TMEM178B: variants seen among roughly 807,000 people sequenced by gnomAD.
TMEM178B encodes the protein transmembrane protein 178B.
A neutral mutation model predicts 31.0 loss-of-function variants in TMEM178B; 5 were observed. That is an observed-to-expected ratio of 0.16 (90% confidence interval 0.08 to 0.34). TMEM178B has a LOEUF of 0.34. TMEM178B is among the 10% of genes least tolerant of loss of function. TMEM178B has a pLI of 1.00. For synonymous variants in TMEM178B, 164 were observed against 164.0 expected (o/e 1.00, Z 0.00); for missense variants, 275 against 400.3 (o/e 0.69, Z 2.67).
At position 141,422,057 on chromosome 7, in the gene TMEM178B, G is replaced by A. The variant is rs1246962388; in HGVS notation, c.497-15551G>A. Among the ~76,000 whole-genome samples, 1 of 152,006 alleles carries A rather than the reference G, an allele frequency of 6.6e-6. No individual in the cohort carries two copies. The highest frequency in any genetic ancestry group is 1.5e-5 in the Non-Finnish European group (1 of 68,008). On this transcript the variant is annotated intron_variant, in intron 2 of 3. Coordinates refer to ENST00000565468, the MANE Select transcript of TMEM178B (RefSeq NM_001195278.2). The surrounding 1 kb of genome is among the most constrained non-coding windows in gnomAD (Gnocchi z 4.2). ...TACATCTTCTCCCTTTCCCAGCTCG[G>A]GCTTGACATTTTCTTAGAAACCTGC...
At chr7:141,193,458 G>T (rs1010187841) in intron 1 of TMEM178B, among the ~76,000 whole-genome samples, 2 of 152,192 alleles carry the variant, frequency 1.3e-5, no homozygotes, top group South Asian at 4.1e-4. Flanking sequence ...GACTCCATCA[G>T]CACGAGTTGC....
At chr7:141,327,302 A>T (rs1188797783) in intron 2 of TMEM178B, among the ~76,000 whole-genome samples, 3 of 152,158 alleles carry the variant, frequency 2.0e-5, no homozygotes, top group Admixed American at 6.6e-5. Flanking sequence ...ATCTGTTTTT[A>T]AAAAAATTAA....
intron 2 of TMEM178B, among the ~76,000 whole-genome samples, chr7:141,259,896 C>G (rs992393341): frequency 4.6e-5 from 7 of 152,040 alleles, no homozygotes; most frequent in African/African-American, 1.7e-4. Flanking sequence ...CCGTTATGCC[C>G]TTTGTGTCTC....
chr7:141,421,046 G>C (rs146701822), intron 2 of TMEM178B, among the ~76,000 whole-genome samples: 1 of 152,072 alleles, frequency 6.6e-6, no homozygotes, highest in Admixed American at 6.6e-5. Flanking sequence ...GCTATCTCCC[G>C]TTCCCAGGAC....
chr7:141,205,232 A>G (rs1246139057), intron 1 of TMEM178B, among the ~76,000 whole-genome samples: 2 of 152,204 alleles, frequency 1.3e-5, no homozygotes, highest in Non-Finnish European at 2.9e-5. Context: ...TTTTTGGGGC[A>G]GTCACAATGT....
At chr7:141,500,218 GAT>G in the TMEM178B span, among the ~76,000 whole-genome samples, 1 of 152,114 alleles carries the variant, frequency 6.6e-6, no homozygotes, top group Admixed American at 6.5e-5. Flanking sequence ...GAAATTCAGG[GAT>G]ACACAAGATA....
chr7:141,328,760 A>G (rs2116486731), intron 2 of TMEM178B, among the ~76,000 whole-genome samples: 1 of 152,336 alleles, frequency 6.6e-6, no homozygotes, highest in African/African-American at 2.4e-5. Context: ...GACCTAGGCC[A>G]AAGGTGCCTT....
Position 141,227,104 on chromosome 7 carries a change from C to T in TMEM178B, c.496+14400C>T, listed in dbSNP as rs1348147083. ...CTGGAGCTGGGCAGTGAGAGAGACA[C>T]CTTAGGGAACCTGAAGTCTCCCAGG... On this transcript the variant is annotated intron_variant, in intron 2 of 3. Coordinates refer to ENST00000565468, the MANE Select transcript of TMEM178B (RefSeq NM_001195278.2). Among the ~76,000 whole-genome samples, 3 of 152,238 alleles carry T rather than the reference C, an allele frequency of 2.0e-5. 1 individual carries two copies. In the East Asian group the frequency reaches 5.8e-4, roughly 29 times the overall value.
At chr7:141,496,668 T>A in the TMEM178B span, among the ~76,000 whole-genome samples, 3 of 30,958 alleles carry the variant, frequency 9.7e-5, no homozygotes, top group Admixed American at 9.1e-4. Flanking sequence ...AGACTCCGTC[T>A]CAAAAAAAAA....
chr7:141,397,127 G>C (rs1800671737), intron 2 of TMEM178B, among the ~76,000 whole-genome samples: 1 of 152,180 alleles, frequency 6.6e-6, no homozygotes, highest in Non-Finnish European at 1.5e-5. Flanking sequence ...CACAGAAGAT[G>C]AACTTCAGTT....
intron 2 of TMEM178B, among the ~76,000 whole-genome samples, chr7:141,273,116 G>A (rs937691827): frequency 1.3e-5 from 2 of 152,134 alleles, no homozygotes; most frequent in Middle Eastern, 3.2e-3. Context: ...GGTAAAATAA[G>A]CCAGACAAAG....
chr7:141,128,947 C>T (rs1484572723), intron 1 of TMEM178B, among the ~76,000 whole-genome samples: 2 of 151,952 alleles, frequency 1.3e-5, no homozygotes, highest in East Asian at 3.9e-4. Context: ...CATATTGCTC[C>T]TCAGAAGAAA....
At chr7:141,419,526 T>TTCTTCC (rs1801161889) in intron 2 of TMEM178B, among the ~76,000 whole-genome samples, 1 of 152,214 alleles carries the variant, frequency 6.6e-6, no homozygotes, top group South Asian at 2.1e-4. Context: ...CTCTAAGACT[T>TTCTTCC]TCTTCCTCCC....
At chr7:141,385,672 T>C (rs1324710433) in intron 2 of TMEM178B, among the ~76,000 whole-genome samples, 1 of 152,192 alleles carries the variant, frequency 6.6e-6, no homozygotes, top group East Asian at 1.9e-4. Flanking sequence ...CTGCTTATTC[T>C]CAGCCATGTT....
chr7:141,148,019 C>T (rs1236373135), intron 1 of TMEM178B, among the ~76,000 whole-genome samples: 1 of 152,180 alleles, frequency 6.6e-6, no homozygotes, highest in Non-Finnish European at 1.5e-5. Flanking sequence ...TCTTATAGTA[C>T]CAGATATCCA....
At chr7:141,496,483 A>C in the TMEM178B span, among the ~76,000 whole-genome samples, 1 of 149,308 alleles carries the variant, frequency 6.7e-6, no homozygotes, top group Non-Finnish European at 1.5e-5. Flanking sequence ...ATCCCGGCTA[A>C]AACGGTGAAA....
chr7:141,290,052 A>G (rs217015), intron 2 of TMEM178B, among the ~76,000 whole-genome samples: 2 of 152,178 alleles, frequency 1.3e-5, no homozygotes, highest in African/African-American at 4.8e-5. Context: ...TTCTGTCCTG[A>G]TAGCTCATCT....
intron 1 of TMEM178B, among the ~76,000 whole-genome samples, chr7:141,155,099 C>T (rs917446490): frequency 6.6e-6 from 1 of 152,150 alleles, no homozygotes; most frequent in Non-Finnish European, 1.5e-5. Flanking sequence ...GTTGCCCAAA[C>T]TTGGCCAATC....
intron 2 of TMEM178B, among the ~76,000 whole-genome samples, chr7:141,285,154 CTTTTTTT>C (rs1030685003): frequency 3.8e-5 from 2 of 52,810 alleles, no homozygotes; most frequent in Admixed American, 2.8e-4. Flanking sequence ...ATTCTTGTTT[CTTTTTTT>C]TTTTTTTTTT....
Sources: gnomAD v4.1 joint callset for allele counts (sites outside exome capture counted in the v4.1 genomes callset) on GRCh38, gnomAD v4.1.1 for gene constraint, Gnocchi (gnomAD v3.1) non-coding constraint, MANE v1.5 for transcripts, NCBI Gene and HGNC (gene_info 2026-07-23, HGNC 2026-07-21) for gene names.